Variants in GATA4 observed in about 807,000 individuals in gnomAD.
GATA4 encodes GATA binding protein 4.
In GATA4, 7 loss-of-function variants were observed where a neutral mutation model predicts 37.9. That is an observed-to-expected ratio of 0.18 (90% confidence interval 0.11 to 0.35). GATA4 has a LOEUF of 0.35. GATA4 is among the 10% of genes least tolerant of loss of function. The probability of loss-of-function intolerance (pLI) is 1.00; values close to 1 mark genes in which losing one functional copy is unlikely to be tolerated. For missense variants in GATA4, 647 were observed against 653.0 expected (o/e 0.99, Z 0.10); for synonymous variants, 372 against 292.6 (o/e 1.27, Z -2.77).
At chr8:11,746,398 A>T (rs1802030911) in intron 2 of GATA4, among the ~76,000 whole-genome samples, 1 of 152,198 alleles carries the variant, frequency 6.6e-6, no homozygotes, top group Non-Finnish European at 1.5e-5. Flanking sequence ...AAAGGAAACC[A>T]GAATGGGAGG....
rs540497590 is a variant in GATA4, at chr8:11,729,578, C to A, written c.617-19338C>A. On this transcript the variant is annotated intron_variant, in intron 2 of 6. Coordinates refer to ENST00000532059, the MANE Select transcript of GATA4 (RefSeq NM_001308093.3). ...CTCAAAAAAAAAAAAAATGCAGAAG[C>A]TACTTAGGTTGAACACAGAAAGGAA... Among the ~76,000 whole-genome samples the A allele has an allele frequency of 4.7e-5, 7 of 150,216 alleles. No individual in the cohort carries two copies. In the East Asian group the frequency reaches 1.4e-3, roughly 29 times the overall value.
intron 2 of GATA4, among the ~76,000 whole-genome samples, chr8:11,746,472 G>T (rs1051028694): frequency 7.9e-5 from 12 of 152,198 alleles, no homozygotes; most frequent in African/African-American, 2.7e-4. Context: ...TGCGATTCAG[G>T]CTAGACCGCG....
intron 2 of GATA4, among the ~76,000 whole-genome samples, chr8:11,724,021 C>G (rs1478370170): frequency 6.6e-6 from 1 of 152,174 alleles, no homozygotes; most frequent in African/African-American, 2.4e-5. Flanking sequence ...CTTTCTGTCT[C>G]TCTGAATGTA....
intron 1 of GATA4, among the ~76,000 whole-genome samples, chr8:11,696,397 T>C (rs1223796983): frequency 6.8e-6 from 1 of 148,066 alleles, no homozygotes; most frequent in African/African-American, 2.5e-5. Context: ...TTCTTTTACT[T>C]AGCTGAATGC....
upstream of GATA4, among the ~76,000 whole-genome samples, chr8:11,703,402 C>T (rs935006943): frequency 6.6e-6 from 1 of 152,150 alleles, no homozygotes; most frequent in Admixed American, 6.5e-5. Context: ...ACACATTCCC[C>T]TCCCCCATAC....
At chr8:11,681,968 T>C (rs1798987460) in intron 1 of GATA4, among the ~76,000 whole-genome samples, 1 of 152,234 alleles carries the variant, frequency 6.6e-6, no homozygotes. Context: ...TTATTCATTC[T>C]GATGTTTGTC....
At chr8:11,727,451 C>G (rs561040634) in intron 2 of GATA4, among the ~76,000 whole-genome samples, 1 of 152,280 alleles carries the variant, frequency 6.6e-6, no homozygotes, top group South Asian at 2.1e-4. Context: ...TGCTTATAAT[C>G]TTTATGGGGA....
chr8:11,737,638 G>T (rs1398816203), intron 2 of GATA4, among the ~76,000 whole-genome samples: 1 of 152,232 alleles, frequency 6.6e-6, no homozygotes, highest in Non-Finnish European at 1.5e-5. Flanking sequence ...AGGAGCTAGG[G>T]TGCTGTGAAA....
intron 2 of GATA4, among the ~76,000 whole-genome samples, chr8:11,721,219 C>T (rs1800660432): frequency 6.6e-6 from 1 of 151,092 alleles, no homozygotes; most frequent in African/African-American, 2.4e-5. Context: ...GCCAGGCTTC[C>T]TGGGCAAGGC....
intron 1 of GATA4, among the ~76,000 whole-genome samples, chr8:11,679,612 C>T (rs369501098): frequency 3.9e-5 from 6 of 152,154 alleles, no homozygotes; most frequent in Admixed American, 1.3e-4. Context: ...GCGGCCTGGG[C>T]CCCCCACCTG....
intron 1 of GATA4, 74 bp downstream of exon 1, chr8:11,704,378 G>C (rs1488018185): frequency 1.3e-5 from 2 of 152,250 alleles, no homozygotes; most frequent in Admixed American, 1.3e-4. Flanking sequence ...GCCTTTGCTT[G>C]TCTGGAGGTA....
intron 2 of GATA4, among the ~76,000 whole-genome samples, chr8:11,740,287 G>T (rs1335007139): frequency 6.6e-6 from 1 of 152,222 alleles, no homozygotes; most frequent in Non-Finnish European, 1.5e-5. Context: ...ACGGATGCAG[G>T]TCTCACAGTG....
rs929523320 is a variant in GATA4 at position 11,749,176 on chromosome 8, G to A, written c.786+91G>A. The A allele has an allele frequency of 2.0e-5, 27 of 1,338,484 alleles. No homozygotes were observed. The African/African-American group carries it at 3.6e-4, about 18-fold the overall frequency. The allele number at this position is 1,338,484 out of a possible 1,614,324, so 82.9% of individuals were successfully genotyped here. ...CCTCTGGTTTTGAATTTTGGAACTT[G>A]AGGGTGTGCATCGGGGATTACGTGG... On this transcript the variant is annotated intron_variant, in intron 3 of 6. Transcript: ENST00000532059. This position sits in a 1 kb window ranked among gnomAD's most constrained non-coding sequence, Gnocchi z 4.6.
intron 1 of GATA4, among the ~76,000 whole-genome samples, chr8:11,686,555 A>G (rs1293624468): frequency 6.6e-6 from 1 of 152,196 alleles, no homozygotes; most frequent in African/African-American, 2.4e-5. Context: ...CTTCATCTAC[A>G]AGGCAAGCAA....
At chr8:11,734,686 C>T (rs2130227065) in intron 2 of GATA4, among the ~76,000 whole-genome samples, 1 of 152,258 alleles carries the variant, frequency 6.6e-6, no homozygotes, top group East Asian at 1.9e-4. Flanking sequence ...GGGGGGGTTT[C>T]ACCATGTTGG....
chr8:11,719,269 C>G (rs1409166966), intron 2 of GATA4, among the ~76,000 whole-genome samples: 2 of 150,054 alleles, frequency 1.3e-5, no homozygotes, highest in African/African-American at 4.9e-5. Flanking sequence ...ATAAATCAAA[C>G]CAGGTAAAGA....
intron 2 of GATA4, among the ~76,000 whole-genome samples, chr8:11,723,796 T>TA (rs1157359525): frequency 5.9e-5 from 9 of 152,228 alleles, no homozygotes; most frequent in Non-Finnish European, 1.3e-4. Flanking sequence ...TTCATCTTTT[T>TA]AAAAAAATTA....
chr8:11,705,930 A>G (rs1799870511), intron 1 of GATA4: 1 of 152,262 alleles, frequency 6.6e-6, no homozygotes, highest in Non-Finnish European at 1.5e-5. Context: ...AAGAAAAAAA[A>G]TTACATTATC....
At chr8:11,750,089 G>A (rs1222989138) in intron 3 of GATA4, 22 bp from the exon 4 acceptor site, 2 of 1,613,992 alleles carry the variant, frequency 1.2e-6, no homozygotes, top group Non-Finnish European at 1.7e-6. Context: ...TGGACATGAA[G>A]CATTTGTTTC....
Sources: gnomAD v4.1 joint callset for allele counts (sites outside exome capture counted in the v4.1 genomes callset) on GRCh38, gnomAD v4.1.1 for gene constraint, Gnocchi (gnomAD v3.1) non-coding constraint, MANE v1.5 for transcripts, NCBI Gene and HGNC (gene_info 2026-07-23, HGNC 2026-07-21) for gene names.